Variants in MCPH1 observed in about 807,000 individuals in gnomAD.
MCPH1 encodes microcephalin 1.
MCPH1 carries 104 observed loss-of-function variants against 84.5 expected under a neutral mutation model. That is an observed-to-expected ratio of 1.23 (90% confidence interval 1.05 to 1.45). The LOEUF is 1.45. Ranked by LOEUF, MCPH1 falls within the 40% of genes most tolerant of loss-of-function variation. The pLI, the probability that MCPH1 is intolerant of heterozygous loss-of-function variation, is 0.00. For synonymous variants in MCPH1, 514 were observed against 366.8 expected, an observed-to-expected ratio of 1.40 and a Z score of -4.58; for missense variants, 1,498 against 1,005.7, an observed-to-expected ratio of 1.49 and a Z score of -6.62.
chr8:6,530,188 T>C (rs965890031), intron 12 of MCPH1, among the ~76,000 whole-genome samples: 1 of 152,106 alleles, frequency 6.6e-6, no homozygotes, highest in Non-Finnish European at 1.5e-5. Flanking sequence ...TAATTTATTT[T>C]AATAGGTTGG....
At chr8:6,449,829 A>G (rs1373308) in intron 8 of MCPH1, among the ~76,000 whole-genome samples, 148,042 of 152,220 alleles carry the variant, frequency 0.97, 72,116 homozygotes, top group East Asian at 1. Context: ...CCTGACCCTT[A>G]GCACTGCCAA....
intron 12 of MCPH1, among the ~76,000 whole-genome samples, chr8:6,548,065 G>A (rs753299151): frequency 6.6e-6 from 1 of 152,086 alleles, no homozygotes; most frequent in East Asian, 1.9e-4. Flanking sequence ...GTGGTTTAGT[G>A]TCTTTACTGA....
chr8:6,414,886 A>C lies in MCPH1; in HGVS notation c.233+3A>C. On this transcript the variant is annotated splice_donor_region_variant and intron_variant, in intron 3 of 13. Transcript: ENST00000344683. ...GTTTCGGTGCTCTGGGTGGAAAAGT[A>C]AGCAGTTTCTCTCTTACTTTTTTTC... is the stretch of plus-strand genomic sequence containing the variant. 6.2e-7 allele frequency: 1 copy of C among 1,613,200 alleles called. No individual in the cohort carries two copies. Among genetic ancestry groups the C allele is most frequent in the South Asian group, 1.1e-5 (1 of 91,030 alleles).
rs1426970128 is a variant in MCPH1, at chr8:6,407,068, G to T, written c.22+379G>T. ...CCATGCTGCCTGTCCCCCAAATCCCGCCTTTCCCCCTACCTGCTTTCACCC... is the reference window on the plus strand; with the variant it reads ...CCATGCTGCCTGTCCCCCAAATCCCTCCTTTCCCCCTACCTGCTTTCACCC... On this transcript the variant is annotated intron_variant, in intron 1 of 13. Transcript: ENST00000344683. 8 of 268,036 alleles carry T rather than the reference G, an allele frequency of 3.0e-5. No homozygotes were observed. In the African/African-American group the frequency reaches 3.5e-4, roughly 12 times the overall value. The allele number at this position is 268,036 out of a possible 1,614,324, so 16.6% of individuals were successfully genotyped here.
chr8:6,458,527 T>C (rs535596690), intron 9 of MCPH1, among the ~76,000 whole-genome samples: 1 of 149,764 alleles, frequency 6.7e-6, no homozygotes, highest in East Asian at 1.9e-4. Flanking sequence ...AAAGGTTGAG[T>C]GAGTGTTTTA....
intron 12 of MCPH1, among the ~76,000 whole-genome samples, chr8:6,505,299 A>ATTCT (rs1813200268): frequency 1.1e-5 from 1 of 91,796 alleles, no homozygotes; most frequent in Non-Finnish European, 1.9e-5. Flanking sequence ...ATATACATAT[A>ATTCT]TATGTATATA....
chr8:6,621,060 G>A, intron 12 of MCPH1: 1 of 317,462 alleles, frequency 3.1e-6, no homozygotes, highest in Admixed American at 4.7e-5. Context: ...TCCCAGCACA[G>A]CCGGCATTTG....
At chr8:6,612,061 C>T (rs1586796835) in intron 12 of MCPH1, among the ~76,000 whole-genome samples, 2 of 152,266 alleles carry the variant, frequency 1.3e-5, no homozygotes, top group Non-Finnish European at 2.9e-5. Context: ...GCACTCGGCC[C>T]CCAGCCTCCA....
At chr8:6,600,951 A>G (rs1015467638) in intron 12 of MCPH1, among the ~76,000 whole-genome samples, 1 of 152,198 alleles carries the variant, frequency 6.6e-6, no homozygotes, top group African/African-American at 2.4e-5. Flanking sequence ...GAATCGCTAA[A>G]CACAGCAGTG....
chr8:6,504,029 T>C (rs1162105233), intron 12 of MCPH1, among the ~76,000 whole-genome samples: 5 of 152,122 alleles, frequency 3.3e-5, no homozygotes, highest in Non-Finnish European at 4.4e-5. Flanking sequence ...AAATATTCTA[T>C]AAGCAGGGGC....
At chr8:6,557,400 AG>A (rs1824809282) in intron 12 of MCPH1, among the ~76,000 whole-genome samples, 2 of 152,142 alleles carry the variant, frequency 1.3e-5, no homozygotes, top group South Asian at 4.1e-4. Context: ...GGTGACTCAG[AG>A]CCACCCTGTT....
chr8:6,459,361 T>A (rs774107568), intron 9 of MCPH1, among the ~76,000 whole-genome samples: 7 of 152,116 alleles, frequency 4.6e-5, no homozygotes, highest in Admixed American at 1.3e-4. Flanking sequence ...CTGCAACCTC[T>A]GCCTCCCGGG....
At chr8:6,588,560 G>T (rs747261239) in intron 12 of MCPH1, among the ~76,000 whole-genome samples, 19 of 152,208 alleles carry the variant, frequency 1.2e-4, no homozygotes, top group Admixed American at 4.6e-4. Context: ...CTGGAGTGGC[G>T]TAAGTCTGGT....
At chr8:6,625,957 T>G in intron 13 of MCPH1, 1 of 985,148 alleles carries the variant, frequency 1.0e-6, no homozygotes. Context: ...TTATTATTAG[T>G]ATTCTGTGGC....
At chr8:6,459,800 G>A (rs190584403) in intron 9 of MCPH1, among the ~76,000 whole-genome samples, 6 of 152,340 alleles carry the variant, frequency 3.9e-5, no homozygotes, top group Admixed American at 2.0e-4. Context: ...AGACAGGACT[G>A]TCAGTCGATG....
intron 2 of MCPH1, among the ~76,000 whole-genome samples, chr8:6,411,038 C>T (rs1475837045): frequency 2.6e-5 from 4 of 151,966 alleles, no homozygotes; most frequent in Non-Finnish European, 4.4e-5. Flanking sequence ...TGCATTGAGC[C>T]GAGATTGCAC....
chr8:6,436,205 T>A, intron 5 of MCPH1, 43 bp downstream of exon 5: 1 of 1,595,678 alleles, frequency 6.3e-7, no homozygotes, highest in South Asian at 1.1e-5. Flanking sequence ...TTTGTGTCCA[T>A]ACACCTTGTT....
intron 8 of MCPH1, chr8:6,445,771 A>T: frequency 7.5e-7 from 1 of 1,333,484 alleles, no homozygotes; most frequent in African/African-American, 1.5e-5. Flanking sequence ...TTAGGAATCT[A>T]TTTCTCCAAG....
chr8:6,417,440 C>G (rs1799477938), intron 3 of MCPH1, among the ~76,000 whole-genome samples: 1 of 152,156 alleles, frequency 6.6e-6, no homozygotes, highest in South Asian at 2.1e-4. Context: ...AGGTAGTTTC[C>G]CAATCCTTTC....
Sources: gnomAD v4.1 joint callset for allele counts (sites outside exome capture counted in the v4.1 genomes callset) on GRCh38, gnomAD v4.1.1 for gene constraint, MANE v1.5 for transcripts, NCBI Gene and HGNC (gene_info 2026-07-23, HGNC 2026-07-21) for gene names.